Variants in PIP5K1A observed in about 807,000 individuals in gnomAD.
PIP5K1A encodes the protein phosphatidylinositol-4-phosphate 5-kinase type 1 alpha, also known as phosphatidylinositol 4-phosphate 5-kinase type-1 alpha.
In PIP5K1A, 46 loss-of-function variants were observed where a neutral mutation model predicts 72.9. The observed-to-expected ratio is 0.63, with a 90% CI of 0.50 to 0.81. PIP5K1A has a LOEUF of 0.81. Among genes scored for constraint, PIP5K1A ranks in the 30% least tolerant of loss-of-function variants. The pLI is 0.00. For synonymous variants in PIP5K1A, 228 were observed against 255.1 expected (o/e 0.89, Z 1.01); for missense variants, 458 against 706.1 (o/e 0.65, Z 3.98).
chr1:151,196,550 A>ATTTTTTTTTT (rs5777766), upstream of PIP5K1A, among the ~76,000 whole-genome samples: 1 of 114,766 alleles, frequency 8.7e-6, no homozygotes, highest in African/African-American at 3.3e-5. Context: ...ATGCATGGGG[A>ATTTTTTTTTT]TTTTTTTTTT....
intron 1 of PIP5K1A, among the ~76,000 whole-genome samples, chr1:151,216,906 T>G (rs1309042883): frequency 6.7e-5 from 1 of 14,884 alleles, no homozygotes; most frequent in East Asian, 1.5e-3. Context: ...AAATGTTTTT[T>G]TTTTTTTTTT....
intron 14 of PIP5K1A, 75 bp from the exon 15 acceptor site, chr1:151,246,845 G>C (rs1692577905): frequency 9.3e-7 from 1 of 1,071,342 alleles, no homozygotes; most frequent in Admixed American, 1.9e-5. Flanking sequence ...AGCAGTATGA[G>C]ATTTAAAAGG....
intron 4 of PIP5K1A, among the ~76,000 whole-genome samples, chr1:151,229,223 G>C (rs1178595381): frequency 7.0e-6 from 1 of 143,000 alleles, no homozygotes; most frequent in Non-Finnish European, 1.5e-5. Context: ...ATCTTGCTCT[G>C]TTGCCCAGAC....
chr1:151,231,659 CTTGT>C lies in PIP5K1A; in HGVS notation c.238-9_238-6del, dbSNP rs768128805. Reference sequence around the variant, plus strand: ...TACTAGGAATTTTCTTCTCATTTCTCTTGTTTCTCAGACAACCTCATCAGCCTTG... The same window carrying C: ...TACTAGGAATTTTCTTCTCATTTCTCTTCTCAGACAACCTCATCAGCCTTG... On this transcript the variant is annotated splice_region_variant and splice_polypyrimidine_tract_variant and intron_variant, in intron 4 of 15. Transcript: ENST00000368888. The C allele has an allele frequency of 3.7e-6, 6 of 1,613,304 alleles. No individual in the cohort carries two copies. The highest frequency in any genetic ancestry group is 5.1e-6 in the Non-Finnish European group (6 of 1,179,292).
At position 151,249,165 on chromosome 1, in the gene PIP5K1A, T is replaced by C. The variant is rs1692876429; in HGVS notation, c.*1300T>C. 6.6e-6 allele frequency: 1 copy of C among 152,200 alleles called. No homozygotes were observed. Among genetic ancestry groups the C allele is most frequent in the Admixed American group, 6.5e-5 (1 of 15,280 alleles). The allele number at this position is 152,200 out of a possible 1,614,324, so 9.4% of individuals were successfully genotyped here. A position where few individuals can be genotyped will look rare whatever the true frequency, so the allele number is the denominator to read the frequency against. The stretch of plus-strand genomic sequence containing the variant: ...TTGAATTCCTGTTCTATCCCTTCTC[T>C]ATCCCACCCTGCCTTGATAATATGT... On this transcript the variant is annotated 3_prime_UTR_variant, in exon 16 of 16. Transcript: ENST00000368888.
chr1:151,244,777 G>A (rs376137950), intron 14 of PIP5K1A, among the ~76,000 whole-genome samples: 31 of 152,276 alleles, frequency 2.0e-4, no homozygotes, highest in African/African-American at 7.2e-4. Context: ...AGGGGTCCTG[G>A]AACCAGTCCC....
chr1:151,208,999 T>C (rs1320441696), intron 1 of PIP5K1A, among the ~76,000 whole-genome samples: 2 of 151,670 alleles, frequency 1.3e-5, no homozygotes, highest in East Asian at 1.9e-4. Context: ...CCCAAGGTGC[T>C]GGGATTACAG....
intron 1 of PIP5K1A, among the ~76,000 whole-genome samples, chr1:151,200,869 G>T (rs758170706): frequency 7.9e-5 from 12 of 151,592 alleles, no homozygotes; most frequent in Non-Finnish European, 1.5e-4. Flanking sequence ...TCGCTCTGTC[G>T]CCCAGGCTGG....
upstream of PIP5K1A, chr1:151,198,542 G>A (rs1210840221): frequency 1.5e-5 from 3 of 196,800 alleles, no homozygotes; most frequent in Non-Finnish European, 3.2e-5. Flanking sequence ...GGGCGCATGC[G>A]CAGTGCTCGG....
chr1:151,232,417 C>A, intron 6 of PIP5K1A, 52 bp downstream of exon 6: 1 of 1,495,320 alleles, frequency 6.7e-7, no homozygotes, highest in Admixed American at 1.7e-5. Flanking sequence ...AGGGATATTC[C>A]CAAAGGAAGG....
intron 12 of PIP5K1A, among the ~76,000 whole-genome samples, 187 bp from the exon 13 acceptor site, chr1:151,241,936 A>G (rs1691788797): frequency 6.6e-6 from 1 of 152,160 alleles, no homozygotes; most frequent in Non-Finnish European, 1.5e-5. Flanking sequence ...CCTCTTGGAA[A>G]GTGAAGTGAG....
At chr1:151,208,451 C>A (rs1374293355) in intron 1 of PIP5K1A, among the ~76,000 whole-genome samples, 2 of 150,224 alleles carry the variant, frequency 1.3e-5, no homozygotes, top group Non-Finnish European at 2.9e-5. Context: ...AGCTCCACTT[C>A]CCGCTTTCAA....
In PIP5K1A at chr1:151,248,701, G is replaced by C. The variant is rs913317440; in HGVS notation, c.*836G>C. 1 of 152,596 alleles carries C rather than the reference G, an allele frequency of 6.6e-6. No homozygotes were observed. The highest frequency in any genetic ancestry group is 2.4e-5 in the African/African-American group (1 of 41,432). The allele number at this position is 152,596 out of a possible 1,614,324, so 9.5% of individuals were successfully genotyped here. On this transcript the variant is annotated 3_prime_UTR_variant, in exon 16 of 16. Transcript: ENST00000368888. ...CATAGCCCTTCCTAGGCAGAATCCT[G>C]TTCACTGCCAGGCTATAGTAATTAT...
chr1:151,234,566 T>A (rs977171057), intron 8 of PIP5K1A, 70 bp downstream of exon 8: 41 of 1,240,476 alleles, frequency 3.3e-5, no homozygotes, highest in Admixed American at 5.1e-5. Flanking sequence ...GGCATTAAGT[T>A]TGTGGGAGAT....
intron 12 of PIP5K1A, among the ~76,000 whole-genome samples, chr1:151,241,142 G>A (rs1027883654): frequency 1.3e-5 from 2 of 151,826 alleles, no homozygotes; most frequent in African/African-American, 4.8e-5. Flanking sequence ...CAGCCTGGGT[G>A]ACAAGAGAGG....
At chr1:151,232,866 C>T (rs936940937) in intron 7 of PIP5K1A, among the ~76,000 whole-genome samples, 163 bp downstream of exon 7, 13 of 151,868 alleles carry the variant, frequency 8.6e-5, no homozygotes, top group African/African-American at 2.7e-4. Context: ...TTTGGGAGGC[C>T]GAGGCAAGAG....
At chr1:151,231,832 T>C (rs1690118622) in intron 5 of PIP5K1A, 31 bp downstream of exon 5, 1 of 1,610,516 alleles carries the variant, frequency 6.2e-7, no homozygotes, top group Non-Finnish European at 8.5e-7. Context: ...GAGCATGTCC[T>C]GGAAATGTGG....
chr1:151,217,575 A>G (rs1465752867), intron 1 of PIP5K1A, among the ~76,000 whole-genome samples: 3 of 151,942 alleles, frequency 2.0e-5, no homozygotes, highest in Non-Finnish European at 4.4e-5. Context: ...AATTTTATTA[A>G]TGTATTAATT....
chr1:151,239,171 A>G lies in PIP5K1A; in HGVS notation c.1271A>G (p.His424Arg). Residue 424 changes from histidine to arginine, a missense_variant, in exon 11 of 16, where the codon CAT (histidine) becomes CGT (arginine). Transcript: ENST00000368888. ...KLEHSWKALV[H>R]DGDTVSVHRP... Reference sequence around the variant, plus strand: ...GAGCACTCTTGGAAAGCCCTGGTACATGACGGAGTAAGTAGTAATACTAGA... The same window carrying G: ...GAGCACTCTTGGAAAGCCCTGGTACGTGACGGAGTAAGTAGTAATACTAGA... The G allele has an allele frequency of 1.2e-6, 2 of 1,607,276 alleles. No individual in the cohort carries two copies. The highest frequency in any genetic ancestry group is 1.7e-6 in the Non-Finnish European group (2 of 1,173,924).
Sources: allele counts gnomAD v4.1 joint callset (sites outside exome capture counted in the v4.1 genomes callset), GRCh38; gene constraint gnomAD v4.1.1; transcripts MANE v1.5; gene names NCBI Gene and HGNC (gene_info 2026-07-23, HGNC 2026-07-21).